The following ZFYVE9 variants were observed in gnomAD, a reference collection of about 807,000 sequenced individuals.
The protein encoded by ZFYVE9 is zinc finger FYVE-type containing 9.
ZFYVE9 carries 43 observed loss-of-function variants against 126.7 expected under a neutral mutation model. The ratio of observed to expected loss-of-function variants is 0.34; its 90% CI spans 0.27 to 0.44. ZFYVE9 has a LOEUF of 0.44. Among genes scored for constraint, ZFYVE9 ranks in the 20% least tolerant of loss-of-function variants. ZFYVE9 has a pLI of 1.00. For missense variants in ZFYVE9, 1,476 were observed against 1,697.0 expected, an observed-to-expected ratio of 0.87 and a Z score of 2.29; for synonymous variants, 521 against 597.4, an observed-to-expected ratio of 0.87 and a Z score of 1.87.
At chr1:52,336,113 G>A (rs190664226) in intron 15 of ZFYVE9, among the ~76,000 whole-genome samples, 2 of 151,366 alleles carry the variant, frequency 1.3e-5, no homozygotes, top group Non-Finnish European at 2.9e-5. Flanking sequence ...CAGCCTGGGC[G>A]ACAGAGTGAG....
intron 1 of ZFYVE9, among the ~76,000 whole-genome samples, chr1:52,143,691 A>T (rs1231342896): frequency 6.6e-6 from 1 of 152,196 alleles, no homozygotes; most frequent in African/African-American, 2.4e-5. Context: ...TGTCATTTGT[A>T]TAAGACCTGT....
chr1:52,340,253 T>C, intron 17 of ZFYVE9, 22 bp downstream of exon 17: 1 of 1,592,738 alleles, frequency 6.3e-7, no homozygotes, highest in Non-Finnish European at 8.6e-7. Flanking sequence ...AAACTTGGCA[T>C]ACTTGACCCA....
intron 1 of ZFYVE9, among the ~76,000 whole-genome samples, chr1:52,170,459 T>C (rs1409144099): frequency 3.3e-5 from 5 of 152,144 alleles, no homozygotes; most frequent in Non-Finnish European, 7.3e-5. Flanking sequence ...ATTCATTTCT[T>C]TTTTCCTTTT....
chr1:52,217,858 C>G (rs560675694), intron 2 of ZFYVE9, among the ~76,000 whole-genome samples: 1 of 152,134 alleles, frequency 6.6e-6, no homozygotes, highest in African/African-American at 2.4e-5. Flanking sequence ...CCTTTTTTGG[C>G]CAACACCATG....
At chr1:52,145,875 G>A (rs1644301447) in intron 1 of ZFYVE9, among the ~76,000 whole-genome samples, 1 of 151,858 alleles carries the variant, frequency 6.6e-6, no homozygotes, top group African/African-American at 2.4e-5. Context: ...CCTTTATATA[G>A]GGTACACTTG....
Position 52,275,139 on chromosome 1 carries a change from C to CT in ZFYVE9, c.2746+556dup, listed in dbSNP as rs1290992248. ...AGATTCAAAGGGTATATGTGCCAATCTGGTACATGGATATAGTGGATAATG... is the reference window on the plus strand; with the variant it reads ...AGATTCAAAGGGTATATGTGCCAATCTTGGTACATGGATATAGTGGATAATG... On this transcript the variant is annotated intron_variant, in intron 8 of 18. Transcript: ENST00000287727. Among the ~76,000 whole-genome samples, 4 of 152,268 alleles carry CT rather than the reference C, an allele frequency of 2.6e-5. No homozygotes were observed. The East Asian group carries it at 7.7e-4, about 29-fold the overall frequency.
chr1:52,219,821 C>T lies in ZFYVE9; in HGVS notation c.-37+3347C>T, dbSNP rs960370955. On this transcript the variant is annotated intron_variant, in intron 2 of 18. Coordinates refer to ENST00000287727, the MANE Select transcript of ZFYVE9 (RefSeq NM_004799.4). ...TGTGTGTGGCAGAGTCTTACTCTGTCGCCCGGGCTGGAGTGCAGTGATCTT... is the reference window on the plus strand; with the variant it reads ...TGTGTGTGGCAGAGTCTTACTCTGTTGCCCGGGCTGGAGTGCAGTGATCTT... Among the ~76,000 whole-genome samples the T allele has an allele frequency of 1.0e-4, 15 of 148,224 alleles. No homozygotes were observed. The East Asian group carries it at 1.8e-3, about 18-fold the overall frequency.
At chr1:52,326,484 G>A (rs1646292858) in intron 13 of ZFYVE9, among the ~76,000 whole-genome samples, 1 of 151,538 alleles carries the variant, frequency 6.6e-6, no homozygotes, top group Non-Finnish European at 1.5e-5. Flanking sequence ...AGAGGGTCCT[G>A]GGACACAGAG....
chr1:52,164,733 G>A (rs557468397), intron 1 of ZFYVE9, among the ~76,000 whole-genome samples: 1 of 152,342 alleles, frequency 6.6e-6, no homozygotes, highest in East Asian at 1.9e-4. Flanking sequence ...AAAAGGAAAT[G>A]AAGCTATTTG....
intron 1 of ZFYVE9, among the ~76,000 whole-genome samples, chr1:52,169,275 C>T (rs752924976): frequency 2.6e-5 from 4 of 152,086 alleles, no homozygotes; most frequent in Non-Finnish European, 4.4e-5. Context: ...TGGTGGTACA[C>T]GCCTGTACTC....
At chr1:52,295,532 G>T (rs910052921) in intron 11 of ZFYVE9, among the ~76,000 whole-genome samples, 1 of 151,806 alleles carries the variant, frequency 6.6e-6, no homozygotes, top group Non-Finnish European at 1.5e-5. Flanking sequence ...TAATTTTTTT[G>T]TTTGTTTTTT....
intron 13 of ZFYVE9, among the ~76,000 whole-genome samples, chr1:52,325,813 T>C (rs1557521184): frequency 6.6e-6 from 1 of 152,196 alleles, no homozygotes; most frequent in Non-Finnish European, 1.5e-5. Flanking sequence ...ATAAATCCTT[T>C]CCAGTTCAAA....
At chr1:52,148,854 C>A (rs114756152) in intron 1 of ZFYVE9, among the ~76,000 whole-genome samples, 2 of 150,078 alleles carry the variant, frequency 1.3e-5, no homozygotes, top group African/African-American at 4.9e-5. Flanking sequence ...GTTGGCCAGG[C>A]CGGTCTCAAA....
Position 52,266,816 on chromosome 1 carries a change from C to A in ZFYVE9, c.2440C>A (p.His814Asn). ...TVMVPVGVLK[H>N]PGAEVAQPRE... is the part of the protein sequence containing the mutation. ...GATGGTACCTGTGGGAGTTTTAAAGCACCCTGGAGCAGAAGGTAGGGGATC... is the reference window on the plus strand; with the variant it reads ...GATGGTACCTGTGGGAGTTTTAAAGAACCCTGGAGCAGAAGGTAGGGGATC... The change falls in exon 6 of 19, where the codon CAC (histidine) becomes AAC (asparagine). Residue 814 changes from histidine (H) to asparagine (N), a missense_variant. Transcript: ENST00000287727. The A allele has an allele frequency of 6.3e-7, 1 of 1,599,534 alleles. No individual in the cohort carries two copies. Among genetic ancestry groups the A allele is most frequent in the Non-Finnish European group, 8.5e-7 (1 of 1,174,464 alleles).
chr1:52,299,326 T>C (rs531597250), intron 12 of ZFYVE9, among the ~76,000 whole-genome samples: 2 of 152,302 alleles, frequency 1.3e-5, no homozygotes, highest in Non-Finnish European at 2.9e-5. Flanking sequence ...GTGGCATCTT[T>C]AGGGTTTTCT....
chr1:52,156,758 A>G (rs1644406357), intron 1 of ZFYVE9, among the ~76,000 whole-genome samples: 1 of 152,100 alleles, frequency 6.6e-6, no homozygotes, highest in African/African-American at 2.4e-5. Context: ...ATGTTTCTGT[A>G]TACCAATATC....
At chr1:52,226,694 T>G (rs1435386371) in intron 2 of ZFYVE9, among the ~76,000 whole-genome samples, 2 of 152,212 alleles carry the variant, frequency 1.3e-5, no homozygotes, top group Non-Finnish European at 2.9e-5. Flanking sequence ...CTTGGTTTTA[T>G]ACATTTTAGG....
At position 52,263,753 on chromosome 1, in the gene ZFYVE9, T is replaced by TTGGGGGGG; in HGVS notation, c.2179-20_2179-19insTGGGGGGG. ...ATCCCAAGTAAATTTTGTGTGTTCT[T>TTGGGGGGG]CCCCCCCCCCCCCCCACAGGTTTTC... On this transcript the variant is annotated intron_variant, in intron 4 of 18. Transcript: ENST00000287727. The TTGGGGGGG allele has an allele frequency of 4.2e-6, 3 of 713,084 alleles. No individual in the cohort carries two copies. Among genetic ancestry groups the TTGGGGGGG allele is most frequent in the Non-Finnish European group, 6.1e-6 (3 of 490,708 alleles). The allele number at this position is 713,084 out of a possible 1,614,324, so 44.2% of individuals were successfully genotyped here.
intron 12 of ZFYVE9, among the ~76,000 whole-genome samples, chr1:52,298,304 G>T (rs557230120): frequency 6.6e-6 from 1 of 152,062 alleles, no homozygotes; most frequent in African/African-American, 2.4e-5. Flanking sequence ...TCTTTAATCC[G>T]TTTTTAGTTG....
Sources: gnomAD v4.1 joint callset for allele counts (sites outside exome capture counted in the v4.1 genomes callset) on GRCh38, gnomAD v4.1.1 for gene constraint, MANE v1.5 for transcripts, NCBI Gene and HGNC (gene_info 2026-07-23, HGNC 2026-07-21) for gene names.